F3: variants seen among roughly 807,000 people sequenced by gnomAD.
The protein encoded by F3 is coagulation factor III, tissue factor.
Under a neutral mutation model 33.5 loss-of-function variants are expected in F3, and 18 were observed. That is an observed-to-expected ratio of 0.54 (90% CI 0.37 to 0.80). The LOEUF (loss-of-function observed/expected upper bound fraction) is 0.80, where lower values mean the gene tolerates loss of function less well. Ranked by LOEUF, F3 falls within the 30% of genes least tolerant of loss-of-function variation. The probability of loss-of-function intolerance (pLI) is 0.00; values close to 1 mark genes in which losing one functional copy is unlikely to be tolerated. For synonymous variants in F3, 147 were observed against 140.7 expected (o/e 1.05, Z -0.32); for missense variants, 353 against 362.1 (o/e 0.97, Z 0.20).
At chr1:94,534,342 G>C (rs1651530654) in intron 3 of F3, among the ~76,000 whole-genome samples, 1 of 152,132 alleles carries the variant, frequency 6.6e-6, no homozygotes, top group Non-Finnish European at 1.5e-5. Context: ...TTAAGTTTTT[G>C]GGGAGTCAAG....
At chr1:94,540,415 C>T (rs773202668) in intron 1 of F3, 47 bp from the exon 2 acceptor site, 3 of 1,299,884 alleles carry the variant, frequency 2.3e-6, no homozygotes, top group African/African-American at 2.9e-5. Flanking sequence ...CTTCAGAGCA[C>T]TCGAATGTAT....
At chr1:94,537,575 C>T (rs1276821084) in intron 2 of F3, among the ~76,000 whole-genome samples, 1 of 152,216 alleles carries the variant, frequency 6.6e-6, no homozygotes, top group Non-Finnish European at 1.5e-5. Context: ...TTTGCATTTA[C>T]AGGTTGAATT....
intron 4 of F3, 26 bp from the exon 5 acceptor site, chr1:94,532,506 C>A (rs751169158): frequency 1.2e-6 from 2 of 1,610,852 alleles, no homozygotes; most frequent in Non-Finnish European, 1.7e-6. Flanking sequence ...GTTCTTAATT[C>A]ATCTGGGCTC....
intron 2 of F3, among the ~76,000 whole-genome samples, chr1:94,538,180 T>G (rs1054302867): frequency 3.9e-5 from 6 of 152,246 alleles, no homozygotes; most frequent in African/African-American, 1.4e-4. Flanking sequence ...ATTTGGAATT[T>G]TGAGTTAACT....
intron 2 of F3, among the ~76,000 whole-genome samples, chr1:94,539,714 T>A (rs1651716123): frequency 6.6e-6 from 1 of 151,974 alleles, no homozygotes; most frequent in Non-Finnish European, 1.5e-5. Context: ...GACAGCAGAG[T>A]ATTTCTGCTC....
At chr1:94,539,647 C>G (rs934705013) in intron 2 of F3, among the ~76,000 whole-genome samples, 1 of 152,142 alleles carries the variant, frequency 6.6e-6, no homozygotes, top group African/African-American at 2.4e-5. Flanking sequence ...CTGGGGACAG[C>G]TGCCAGTCAG....
At chr1:94,538,014 T>C (rs1228055017) in intron 2 of F3, among the ~76,000 whole-genome samples, 2 of 152,154 alleles carry the variant, frequency 1.3e-5, no homozygotes, top group African/African-American at 4.8e-5. Flanking sequence ...TATAGCAAAA[T>C]TTAGCACAAG....
Position 94,532,398 on chromosome 1 carries a change from A to G in F3, c.674T>C (p.Ile225Thr), listed in dbSNP as rs1651460148. 3 of 1,614,092 alleles carry G rather than the reference A, an allele frequency of 1.9e-6. No individual in the cohort carries two copies. The highest frequency in any genetic ancestry group is 2.2e-5 in the East Asian group (1 of 44,882). Reference sequence around the variant, plus strand: ...CTTCCGGTTAACTGTTCGGGAGGGAATCACTGCTTGAACACTGAAACAGTA... The same window carrying G: ...CTTCCGGTTAACTGTTCGGGAGGGAGTCACTGCTTGAACACTGAAACAGTA... ...ENYCFSVQAVIPSRTVNRKST... is the reference protein window; with the variant it reads ...ENYCFSVQAVTPSRTVNRKST... The change falls in exon 5 of 6, where the codon ATT becomes ACT. Residue 225 changes from isoleucine to threonine, a missense_variant. Coordinates refer to ENST00000334047, the MANE Select transcript of F3 (RefSeq NM_001993.5).
Position 94,541,650 on chromosome 1 carries a change from C to A in F3, c.-14G>T, listed in dbSNP as rs1651792065. The A allele has an allele frequency of 7.2e-7, 1 of 1,387,318 alleles. No homozygotes were observed. 85.9% of individuals were successfully genotyped at this position (1,387,318 alleles called of 1,614,324 possible). A position where few individuals can be genotyped will look rare whatever the true frequency, so the allele number is the denominator to read the frequency against. On this transcript the variant is annotated 5_prime_UTR_variant, in exon 1 of 6. Transcript: ENST00000334047. ...AGGGGTCTCCATGTCTACCAGTTGG[C>A]GGCGAGATCGAGCGGGTTCCGTGGC...
At position 94,541,705 on chromosome 1, in the gene F3, G is replaced by T. The variant is rs117977816; in HGVS notation, c.-69C>A. 2.3e-3 allele frequency: 2,436 copies of T among 1,053,342 alleles called. 90 individuals are homozygous for T. In the East Asian group the frequency reaches 0.066, roughly 29 times the overall value. 65.2% of individuals were successfully genotyped at this position (1,053,342 alleles called of 1,614,324 possible). A position where few individuals can be genotyped will look rare whatever the true frequency, so the allele number is the denominator to read the frequency against. On this transcript the variant is annotated 5_prime_UTR_variant, in exon 1 of 6. Coordinates refer to ENST00000334047, the MANE Select transcript of F3 (RefSeq NM_001993.5). ...GTGGGGCTGGGGAGGTTGGGCTGAA[G>T]GCGCCCTGGGCCGGCCAGAGGGAGT...
intron 2 of F3, 150 bp from the exon 3 acceptor site, chr1:94,536,314 C>G (rs1651604879): frequency 1.4e-6 from 1 of 704,600 alleles, no homozygotes; most frequent in Non-Finnish European, 2.4e-6. Flanking sequence ...GAGCACTTTG[C>G]TTTTTTTTAA....
intron 2 of F3, 119 bp downstream of exon 2, chr1:94,540,135 CCTT>C (rs1279864162): frequency 2.8e-6 from 2 of 721,154 alleles, no homozygotes; most frequent in Middle Eastern, 2.3e-4. Flanking sequence ...GCCAAGAATC[CCTT>C]CTTCTTCGTC....
Position 94,536,097 on chromosome 1 carries a change from C to T in F3, c.280G>A (p.Glu94Lys), listed in dbSNP as rs199905967. The part of the protein sequence containing the change: ...TTDTECDLTD[E>K]IVKDVKQTYL... ...GTCTGCTTCACATCCTTCACAATCT[C>T]GTCGGTGAGGTCACACTCTGTGTCT... Residue 94 changes from glutamate (E) to lysine (K), a missense_variant, in exon 3 of 6, where the codon GAG becomes AAG. By Grantham distance (56) the Glu-to-Lys change is moderately conservative. Transcript: ENST00000334047. The T allele has an allele frequency of 8.7e-6, 14 of 1,614,124 alleles. No individual in the cohort carries two copies. In the Admixed American group the frequency reaches 1.2e-4, roughly 13 times the overall value.
At chr1:94,533,368 A>T in intron 3 of F3, 100 bp from the exon 4 acceptor site, 1 of 1,398,060 alleles carries the variant, frequency 7.2e-7, no homozygotes, top group Non-Finnish European at 9.9e-7. Flanking sequence ...TCTCTCATAT[A>T]AAACATGTGC....
In F3 at chr1:94,535,962, T is replaced by C. The variant is rs1320083633; in HGVS notation, c.412+3A>G. The C allele has an allele frequency of 3.1e-6, 5 of 1,614,066 alleles. No homozygotes were observed. The highest frequency in any genetic ancestry group is 3.4e-6 in the Non-Finnish European group (4 of 1,179,894). On this transcript the variant is annotated splice_donor_region_variant and intron_variant, in intron 3 of 5. Transcript: ENST00000334047. ...GAACGGTATTACAGCCCAAGCCACT[T>C]ACTCTCCAGGTAAGGTGTGAACTCT...
chr1:94,534,932 G>A (rs966562953), intron 3 of F3, among the ~76,000 whole-genome samples: 1 of 152,000 alleles, frequency 6.6e-6, no homozygotes. Flanking sequence ...CACCAGAGGG[G>A]CTGCTGACGC....
chr1:94,532,289 C>T (rs899526754), intron 5 of F3, 32 bp downstream of exon 5: 4 of 1,608,946 alleles, frequency 2.5e-6, no homozygotes, highest in African/African-American at 2.7e-5. Flanking sequence ...AGCACCCATA[C>T]CCCCAGGCAA....
Position 94,541,623 on chromosome 1 carries a change from G to A in F3, c.14C>T (p.Ala5Val), listed in dbSNP as rs1651790129. 2 of 1,441,050 alleles carry A rather than the reference G, an allele frequency of 1.4e-6. No homozygotes were observed. The highest frequency in any genetic ancestry group is 2.7e-5 in the Admixed American group (1 of 37,060). 89.3% of individuals were successfully genotyped at this position (1,441,050 alleles called of 1,614,324 possible). A position where few individuals can be genotyped will look rare whatever the true frequency, so the allele number is the denominator to read the frequency against. METP[A>V]WPRVPRPETA... ...CTCGGGGCGCGGGACCCGGGGCCAG[G>A]CAGGGGTCTCCATGTCTACCAGTTG... Residue 5 changes from alanine (A) to valine (V), a missense_variant, in exon 1 of 6, where the codon GCC becomes GTC. Ala to Val is a moderately conservative substitution (Grantham distance 64). Coordinates refer to ENST00000334047, the MANE Select transcript of F3 (RefSeq NM_001993.5).
At chr1:94,538,760 T>C (rs2101093824) in intron 2 of F3, among the ~76,000 whole-genome samples, 1 of 152,306 alleles carries the variant, frequency 6.6e-6, no homozygotes, top group East Asian at 1.9e-4. Flanking sequence ...CATTTATTCC[T>C]GGGGTGGGCA....
Sources: gnomAD v4.1 joint callset for allele counts (sites outside exome capture counted in the v4.1 genomes callset) on GRCh38, gnomAD v4.1.1 for gene constraint, MANE v1.5 for transcripts, NCBI Gene and HGNC (gene_info 2026-07-23, HGNC 2026-07-21) for gene names.